CNTN5: variants seen among roughly 807,000 people sequenced by gnomAD.
CNTN5 encodes contactin 5.
A neutral mutation model predicts 129.1 loss-of-function variants in CNTN5; 77 were observed. The ratio of observed to expected loss-of-function variants is 0.60; its 90% CI spans 0.50 to 0.72. The LOEUF is 0.72. CNTN5 is among the 30% of genes least tolerant of loss of function. The pLI, the probability that CNTN5 is intolerant of heterozygous loss-of-function variation, is 0.00. For synonymous variants in CNTN5, 509 were observed against 465.6 expected (o/e 1.09, Z -1.20); for missense variants, 1,478 against 1,328.8 (o/e 1.11, Z -1.75).
At chr11:99,690,317 T>G (rs939135614) in intron 3 of CNTN5, among the ~76,000 whole-genome samples, 3 of 152,172 alleles carry the variant, frequency 2.0e-5, no homozygotes, top group African/African-American at 7.2e-5. Context: ...TACCATGCTA[T>G]TTTGGTTACT....
intron 3 of CNTN5, among the ~76,000 whole-genome samples, chr11:99,770,048 A>G (rs369120420): frequency 2.9e-4 from 44 of 152,236 alleles, no homozygotes; most frequent in African/African-American, 9.6e-4. Flanking sequence ...AGAAAAGTTC[A>G]AGGATTTTTT....
Position 99,647,599 on chromosome 11 carries a change from G to A in CNTN5, c.55+91330G>A, listed in dbSNP as rs182486256. Among the ~76,000 whole-genome samples, 271 of 151,894 alleles carry A rather than the reference G, an allele frequency of 1.8e-3. 1 individual carries two copies. The highest frequency in any genetic ancestry group is 5.9e-3 in the African/African-American group (246 of 41,472). On this transcript the variant is annotated intron_variant, in intron 3 of 24. Transcript: ENST00000524871. ...TATCATTTGTATTTTGATAGAAATT[G>A]CATTGAATTTGTAGATTGCTTTGCA...
At chr11:99,384,525 A>C (rs566177279) in intron 2 of CNTN5, among the ~76,000 whole-genome samples, 8 of 152,310 alleles carry the variant, frequency 5.3e-5, no homozygotes, top group African/African-American at 1.9e-4. Context: ...ATTCCAGGAA[A>C]TTTTGAGCAA....
At chr11:99,668,051 T>C (rs1952871830) in intron 3 of CNTN5, among the ~76,000 whole-genome samples, 1 of 152,162 alleles carries the variant, frequency 6.6e-6, no homozygotes, top group African/African-American at 2.4e-5. Context: ...CAACAACAGA[T>C]CCTACTGTAT....
intron 6 of CNTN5, among the ~76,000 whole-genome samples, chr11:99,875,884 C>T (rs1028408757): frequency 2.6e-5 from 4 of 151,948 alleles, no homozygotes; most frequent in Admixed American, 6.6e-5. Context: ...TATATAAGGT[C>T]ATTTTTGTAG....
intron 7 of CNTN5, among the ~76,000 whole-genome samples, chr11:99,930,952 T>A (rs1806704383): frequency 6.6e-6 from 1 of 152,188 alleles, no homozygotes; most frequent in African/African-American, 2.4e-5. Context: ...TTATTTATTT[T>A]TATTATATCA....
chr11:100,094,812 G>T (rs1183452266), intron 13 of CNTN5, among the ~76,000 whole-genome samples: 1 of 139,654 alleles, frequency 7.2e-6, no homozygotes, highest in South Asian at 2.2e-4. Flanking sequence ...AAGGAAGGAA[G>T]GAAGGAAATT....
intron 6 of CNTN5, among the ~76,000 whole-genome samples, chr11:99,871,156 C>G (rs1216313802): frequency 6.6e-6 from 1 of 151,918 alleles, no homozygotes; most frequent in Non-Finnish European, 1.5e-5. Context: ...GAGAGTAGAA[C>G]TAAGGGAAAT....
At chr11:100,276,455 G>A (rs993537040) in intron 18 of CNTN5, among the ~76,000 whole-genome samples, 3 of 144,706 alleles carry the variant, frequency 2.1e-5, no homozygotes, top group African/African-American at 5.1e-5. Flanking sequence ...ATGAGAACCC[G>A]GGAGGCAGAG....
chr11:99,108,202 G>T (rs966952480), intron 1 of CNTN5, among the ~76,000 whole-genome samples: 1 of 152,216 alleles, frequency 6.6e-6, no homozygotes, highest in East Asian at 1.9e-4. Context: ...TTTTGTAAAA[G>T]TTTGCCCTTC....
At chr11:99,370,215 G>T (rs998714110) in intron 2 of CNTN5, among the ~76,000 whole-genome samples, 1 of 152,208 alleles carries the variant, frequency 6.6e-6, no homozygotes. Context: ...CTGTGGAATT[G>T]AGAAGGCTTG....
chr11:99,421,116 G>A (rs1325554170), intron 2 of CNTN5, among the ~76,000 whole-genome samples: 7 of 151,234 alleles, frequency 4.6e-5, no homozygotes, highest in African/African-American at 1.7e-4. Flanking sequence ...GGAGATCCAA[G>A]CTCTGTATTA....
chr11:99,830,655 A>T (rs1056825214), intron 4 of CNTN5, among the ~76,000 whole-genome samples: 1 of 152,208 alleles, frequency 6.6e-6, no homozygotes, highest in Non-Finnish European at 1.5e-5. Context: ...AGTTTCCCCA[A>T]TTTAAAAATT....
chr11:99,580,172 G>T (rs987382626), intron 3 of CNTN5, among the ~76,000 whole-genome samples: 10 of 152,172 alleles, frequency 6.6e-5, no homozygotes, highest in South Asian at 2.1e-4. Context: ...GCATCCCAGG[G>T]ATGAAGCCCA....
chr11:99,042,292 A>G (rs1864015577), intron 1 of CNTN5, among the ~76,000 whole-genome samples: 1 of 151,664 alleles, frequency 6.6e-6, no homozygotes, highest in South Asian at 2.1e-4. Context: ...TGGGTGCAGC[A>G]AACCATCATG....
At chr11:99,283,728 A>C (rs1271156798) in intron 1 of CNTN5, among the ~76,000 whole-genome samples, 3 of 152,176 alleles carry the variant, frequency 2.0e-5, no homozygotes, top group South Asian at 2.1e-4. Context: ...ATCATATAAA[A>C]AAAAGAGTAG....
chr11:100,274,555 G>C (rs1170750470), intron 18 of CNTN5, among the ~76,000 whole-genome samples: 1 of 152,176 alleles, frequency 6.6e-6, no homozygotes, highest in Non-Finnish European at 1.5e-5. Context: ...ATTAAAAAGT[G>C]AGCAAAGGAC....
At chr11:99,401,440 T>A (rs1171910199) in intron 2 of CNTN5, among the ~76,000 whole-genome samples, 1 of 152,174 alleles carries the variant, frequency 6.6e-6, no homozygotes, top group East Asian at 1.9e-4. Context: ...TTGATGTATG[T>A]GTCTGTTTTA....
intron 9 of CNTN5, among the ~76,000 whole-genome samples, chr11:100,025,433 G>C (rs1383908309): frequency 6.6e-6 from 1 of 152,202 alleles, no homozygotes; most frequent in Non-Finnish European, 1.5e-5. Context: ...GAACTGTTGG[G>C]TTGGAGACAC....
Sources: gnomAD v4.1 joint callset for allele counts (sites outside exome capture counted in the v4.1 genomes callset) on GRCh38, gnomAD v4.1.1 for gene constraint, MANE v1.5 for transcripts, NCBI Gene and HGNC (gene_info 2026-07-23, HGNC 2026-07-21) for gene names.